The following KDM4C variants were observed in gnomAD, a reference collection of about 807,000 sequenced individuals.
The protein encoded by KDM4C is lysine demethylase 4C.
KDM4C carries 81 observed loss-of-function variants against 129.3 expected under a neutral mutation model. The observed-to-expected ratio is 0.63, with a 90% CI of 0.52 to 0.75. KDM4C has a LOEUF of 0.75. Among genes scored for constraint, KDM4C ranks in the 30% least tolerant of loss-of-function variants. KDM4C has a pLI of 0.00. For synonymous variants in KDM4C, 573 were observed against 456.1 expected (o/e 1.26, Z -3.26); for missense variants, 1,457 against 1,304.0 (o/e 1.12, Z -1.81).
intron 8 of KDM4C, among the ~76,000 whole-genome samples, chr9:6,896,265 T>G (rs1270624409): frequency 6.6e-6 from 1 of 152,196 alleles, no homozygotes; most frequent in Non-Finnish European, 1.5e-5. Flanking sequence ...TGAACAATAC[T>G]TTTATAATTA....
At chr9:7,084,295 A>T (rs1834870915) in intron 17 of KDM4C, among the ~76,000 whole-genome samples, 1 of 152,190 alleles carries the variant, frequency 6.6e-6, no homozygotes, top group East Asian at 1.9e-4. Flanking sequence ...CTGCTCTCTC[A>T]GCCTGGGTCC....
intron 15 of KDM4C, among the ~76,000 whole-genome samples, chr9:7,039,758 A>G (rs1254027856): frequency 6.6e-6 from 1 of 152,094 alleles, no homozygotes; most frequent in Non-Finnish European, 1.5e-5. Flanking sequence ...GGATCATCAT[A>G]AAGGTCTTCA....
chr9:6,789,016 T>G (rs1457096029), intron 1 of KDM4C, among the ~76,000 whole-genome samples: 1 of 151,330 alleles, frequency 6.6e-6, no homozygotes, highest in African/African-American at 2.4e-5. Context: ...GAGGCCATAG[T>G]AGTTAGGTGA....
At chr9:7,028,626 G>T (rs1000438430) in intron 15 of KDM4C, among the ~76,000 whole-genome samples, 1 of 152,044 alleles carries the variant, frequency 6.6e-6, no homozygotes, top group African/African-American at 2.4e-5. Flanking sequence ...GTGGCTCTGA[G>T]CCCAGTCCAG....
At chr9:6,725,235 G>A (rs1045475083) in intron 1 of KDM4C, among the ~76,000 whole-genome samples, 5 of 152,080 alleles carry the variant, frequency 3.3e-5, no homozygotes, top group South Asian at 2.1e-4. Flanking sequence ...GGGGTAGAGC[G>A]CAGTGTGTTT....
intron 18 of KDM4C, among the ~76,000 whole-genome samples, chr9:7,111,533 T>TA (rs1838319338): frequency 6.6e-6 from 1 of 152,136 alleles, no homozygotes; most frequent in African/African-American, 2.4e-5. Flanking sequence ...TGCTGTAAGT[T>TA]ATACAGGTAG....
chr9:7,162,857 A>G (rs1455246406), intron 19 of KDM4C, among the ~76,000 whole-genome samples: 1 of 152,096 alleles, frequency 6.6e-6, no homozygotes, highest in Non-Finnish European at 1.5e-5. Context: ...TTGGGATTCG[A>G]GAAGGACCCA....
chr9:7,042,783 A>G (rs888780549), intron 15 of KDM4C, among the ~76,000 whole-genome samples: 3 of 152,064 alleles, frequency 2.0e-5, no homozygotes, highest in Non-Finnish European at 4.4e-5. Context: ...GAAAAGGTGC[A>G]TGGACATTTG....
chr9:7,103,822 T>C lies in KDM4C; in HGVS notation c.2562T>C (p.Pro854=). The C allele has an allele frequency of 6.2e-7, 1 of 1,614,066 alleles. No homozygotes were observed. Among genetic ancestry groups the C allele is most frequent in the Non-Finnish European group, 8.5e-7 (1 of 1,179,946 alleles). The change falls in exon 18 of 22, where the codon CCT becomes CCC. Residue 854 remains proline, a synonymous_variant. Transcript: ENST00000381309. ...TACTGATGGAGCCTGATGACTGGCC[T>C]TATGTGGTGAACATTACATGCTTTC... ...AGVLMEPDDW[P]YVVNITCFRH...
rs138046586 is a variant in KDM4C, at chr9:6,860,399, A to G, written c.629+10699A>G. 3.2e-3 allele frequency among the ~76,000 whole-genome samples: 488 copies of G among 152,306 alleles called. 6 individuals are homozygous for G. The highest frequency in any genetic ancestry group is 2.4e-3 in the Non-Finnish European group (166 of 68,030). On this transcript the variant is annotated intron_variant, in intron 5 of 21. Transcript: ENST00000381309. Reference sequence around the variant, plus strand: ...ATAGTTGGTGATTTTTAATTAGACTATACTTAGATTCTGACCCCTTTGGCA... The same window carrying G: ...ATAGTTGGTGATTTTTAATTAGACTGTACTTAGATTCTGACCCCTTTGGCA...
chr9:6,851,871 C>T (rs1297795267), intron 5 of KDM4C, among the ~76,000 whole-genome samples: 1 of 152,092 alleles, frequency 6.6e-6, no homozygotes, highest in Admixed American at 6.5e-5. Context: ...AATAATTATG[C>T]CCATTTTCAA....
At chr9:6,999,908 C>T (rs1313068422) in intron 12 of KDM4C, among the ~76,000 whole-genome samples, 1 of 152,118 alleles carries the variant, frequency 6.6e-6, no homozygotes, top group Non-Finnish European at 1.5e-5. Context: ...TCTCTTTGTT[C>T]CATCAATTCT....
chr9:6,893,930 T>C (rs1267396196), intron 8 of KDM4C, among the ~76,000 whole-genome samples: 2 of 152,228 alleles, frequency 1.3e-5, no homozygotes, highest in Non-Finnish European at 2.9e-5. Context: ...GTTTGCTTCC[T>C]TTCCTGTGGC....
intron 15 of KDM4C, 38 bp downstream of exon 15, chr9:7,015,967 C>G (rs368234970): frequency 3.6e-6 from 5 of 1,399,864 alleles, no homozygotes; most frequent in Non-Finnish European, 5.1e-6. Context: ...ACCTTTCTTC[C>G]CACCCTACCC....
chr9:7,023,973 A>G (rs1825334622), intron 15 of KDM4C, among the ~76,000 whole-genome samples: 1 of 152,070 alleles, frequency 6.6e-6, no homozygotes, highest in South Asian at 2.1e-4. Context: ...TTCTATTTTT[A>G]TTCCATTGTG....
At chr9:6,924,771 T>G in intron 8 of KDM4C, 1 of 983,662 alleles carries the variant, frequency 1.0e-6, no homozygotes, top group Non-Finnish European at 1.2e-6. Flanking sequence ...TTAAAATGTT[T>G]AAAGTTATTT....
intron 5 of KDM4C, among the ~76,000 whole-genome samples, chr9:6,870,351 G>A (rs117202259): frequency 0.012 from 1,763 of 152,172 alleles, 17 homozygotes; most frequent in Non-Finnish European, 0.019. Context: ...GGGAAACAGT[G>A]TTGGAAAATG....
chr9:6,919,721 G>A (rs530703066), intron 8 of KDM4C, among the ~76,000 whole-genome samples: 34 of 151,760 alleles, frequency 2.2e-4, no homozygotes, highest in African/African-American at 7.3e-4. Context: ...GACTACAGGC[G>A]TGCACCACCA....
chr9:7,128,008 T>C, intron 18 of KDM4C, 58 bp from the exon 19 acceptor site: 1 of 1,270,604 alleles, frequency 7.9e-7, no homozygotes, highest in Non-Finnish European at 1.0e-6. Context: ...TTATTTTACG[T>C]CCTTTCTTTT....
Sources: gnomAD v4.1 joint callset for allele counts (sites outside exome capture counted in the v4.1 genomes callset) on GRCh38, gnomAD v4.1.1 for gene constraint, MANE v1.5 for transcripts, NCBI Gene and HGNC (gene_info 2026-07-23, HGNC 2026-07-21) for gene names.